Variants in KLHL3 observed in about 807,000 individuals in gnomAD.
The protein encoded by KLHL3 is kelch like family member 3.
In KLHL3, 19 loss-of-function variants were observed where a neutral mutation model predicts 70.5. The observed-to-expected ratio is 0.27, with a 90% CI of 0.19 to 0.40. KLHL3 has a LOEUF of 0.40. Ranked by LOEUF, KLHL3 falls within the 10% of genes least tolerant of loss-of-function variation. The pLI is 1.00. For synonymous variants in KLHL3, 258 were observed against 290.3 expected (o/e 0.89, Z 1.13); for missense variants, 512 against 771.1 (o/e 0.66, Z 3.98).
intron 1 of KLHL3, among the ~76,000 whole-genome samples, chr5:137,722,507 G>C (rs890835958): frequency 6.6e-6 from 1 of 151,986 alleles, no homozygotes; most frequent in Non-Finnish European, 1.5e-5. Context: ...ATCAGAGAGG[G>C]GAAGCAACCA....
At chr5:137,703,269 A>C (rs1483238209) in intron 3 of KLHL3, among the ~76,000 whole-genome samples, 1 of 152,218 alleles carries the variant, frequency 6.6e-6, no homozygotes, top group East Asian at 1.9e-4. Context: ...TTCTGGGTAG[A>C]GAGAACAAAG....
chr5:137,627,488 C>CCCCCCCG (rs58918247), intron 13 of KLHL3, among the ~76,000 whole-genome samples: 2 of 92,350 alleles, frequency 2.2e-5, no homozygotes, highest in Non-Finnish European at 2.2e-5. Flanking sequence ...CCCCCCCCCC[C>CCCCCCCG]GGTTTACACT....
At position 137,688,790 on chromosome 5, in the gene KLHL3, T is replaced by C. The variant is rs1454258819; in HGVS notation, c.526+3495A>G. Among the ~76,000 whole-genome samples, 4 of 152,216 alleles carry C rather than the reference T, an allele frequency of 2.6e-5. No individual in the cohort carries two copies. The East Asian group carries it at 7.7e-4, about 29-fold the overall frequency. On this transcript the variant is annotated intron_variant, in intron 5 of 14. Transcript: ENST00000309755. ...GCTATCATATGCATTAAACGGGATG[T>C]TGCCAATAAAATGCTTAGCATAGGG...
intron 8 of KLHL3, among the ~76,000 whole-genome samples, chr5:137,651,617 A>C (rs1260880740): frequency 1.3e-5 from 2 of 152,236 alleles, no homozygotes; most frequent in African/African-American, 2.4e-5. Flanking sequence ...TAAAGATTTA[A>C]TATTATTAAG....
At chr5:137,671,447 C>A (rs1247813787) in intron 6 of KLHL3, among the ~76,000 whole-genome samples, 2 of 152,146 alleles carry the variant, frequency 1.3e-5, no homozygotes, top group East Asian at 1.9e-4. Flanking sequence ...AGTCTATGAG[C>A]CCCTGAATAG....
chr5:137,636,065 T>G (rs1431047714), intron 11 of KLHL3, among the ~76,000 whole-genome samples: 2 of 152,200 alleles, frequency 1.3e-5, no homozygotes, highest in African/African-American at 4.8e-5. Flanking sequence ...GCACTTACAC[T>G]TGGCAGACAA....
Position 137,639,032 on chromosome 5 carries a change from C to A in KLHL3, c.1140G>T (p.Met380Ile). Reference protein sequence around the residue: ...VKDQWTSIASMQERRSTLGAA... With the variant: ...VKDQWTSIASIQERRSTLGAA... ...CGCCCAGTGTGCTCCGGCGCTCCTG[C>A]ATGCTGGCAATGGACGTCCACTGGT... The change falls in exon 10 of 15, where the codon ATG becomes ATT. Residue 380 changes from methionine (M) to isoleucine (I), a missense_variant. By Grantham distance (10) the Met-to-Ile change is conservative. Transcript: ENST00000309755. This position sits in a 1 kb window ranked among gnomAD's most constrained non-coding sequence, Gnocchi z 5.0. 1 of 1,614,186 alleles carries A rather than the reference C, an allele frequency of 6.2e-7. No individual in the cohort carries two copies. The highest frequency in any genetic ancestry group is 8.5e-7 in the Non-Finnish European group (1 of 1,180,022).
intron 1 of KLHL3, chr5:137,720,801 C>T (rs1752982096): frequency 7.2e-7 from 1 of 1,393,348 alleles, no homozygotes; most frequent in African/African-American, 1.5e-5. Context: ...AGCTCAGCTT[C>T]TTCCACCAAG....
At chr5:137,628,614 C>A (rs1018886989) in intron 12 of KLHL3, 177 bp from the exon 13 acceptor site, 41 of 554,736 alleles carry the variant, frequency 7.4e-5, no homozygotes, top group African/African-American at 7.1e-4. Flanking sequence ...ACCCTACCTG[C>A]CTCCTCATAA....
chr5:137,734,485 C>G (rs1753229607), intron 1 of KLHL3, among the ~76,000 whole-genome samples: 1 of 152,190 alleles, frequency 6.6e-6, no homozygotes, highest in Non-Finnish European at 1.5e-5. Flanking sequence ...AATCATCATG[C>G]TAGTTCTAAT....
chr5:137,710,358 G>A (rs1405337823), intron 2 of KLHL3, among the ~76,000 whole-genome samples: 1 of 152,056 alleles, frequency 6.6e-6, no homozygotes, highest in Non-Finnish European at 1.5e-5. Context: ...TTTCTCTTTC[G>A]ACCCAGATTT....
intron 5 of KLHL3, among the ~76,000 whole-genome samples, chr5:137,684,081 C>T (rs1047616476): frequency 1.3e-5 from 2 of 152,180 alleles, no homozygotes; most frequent in African/African-American, 4.8e-5. Context: ...GGGCTTAGGA[C>T]ACAGACCTCT....
intron 5 of KLHL3, among the ~76,000 whole-genome samples, chr5:137,692,032 A>G (rs151258418): frequency 6.6e-6 from 1 of 152,094 alleles, no homozygotes; most frequent in Non-Finnish European, 1.5e-5. Context: ...CCACTCCCCA[A>G]ATCTTCTTGG....
intron 1 of KLHL3, among the ~76,000 whole-genome samples, chr5:137,734,656 C>A (rs1046495009): frequency 6.6e-6 from 1 of 152,210 alleles, no homozygotes; most frequent in Admixed American, 6.5e-5. Context: ...AACTGGCAAT[C>A]TGGAGCAGCA....
At chr5:137,671,010 C>T (rs916682927) in intron 6 of KLHL3, among the ~76,000 whole-genome samples, 1 of 151,612 alleles carries the variant, frequency 6.6e-6, no homozygotes, top group African/African-American at 2.4e-5. Context: ...GCCCCAAACA[C>T]CTATAAACAT....
At chr5:137,710,430 C>T (rs1752770882) in intron 2 of KLHL3, among the ~76,000 whole-genome samples, 1 of 152,216 alleles carries the variant, frequency 6.6e-6, no homozygotes, top group African/African-American at 2.4e-5. Context: ...CCTGTGCAAA[C>T]TCCAATCACT....
chr5:137,706,009 A>C, intron 3 of KLHL3: 2 of 985,398 alleles, frequency 2.0e-6, no homozygotes, highest in Non-Finnish European at 2.4e-6. Context: ...CTTCTTATAG[A>C]CTGGTTGGAT....
At chr5:137,673,701 A>C (rs2149904980) in intron 6 of KLHL3, 1 of 152,318 alleles carries the variant, frequency 6.6e-6, no homozygotes, top group African/African-American at 2.4e-5. Context: ...ACATCTGCTG[A>C]GTCCTTCCGT....
intron 6 of KLHL3, 82 bp from the exon 7 acceptor site, chr5:137,662,113 A>AG (rs1751491936): frequency 5.7e-5 from 35 of 610,586 alleles, no homozygotes; most frequent in East Asian, 2.3e-4. Flanking sequence ...AAAAAAAAAA[A>AG]AAGAGAGAGA....
Sources: allele counts gnomAD v4.1 joint callset (sites outside exome capture counted in the v4.1 genomes callset), GRCh38; gene constraint gnomAD v4.1.1; non-coding constraint Gnocchi (gnomAD v3.1); transcripts MANE v1.5; gene names NCBI Gene and HGNC (gene_info 2026-07-23, HGNC 2026-07-21).